The following POU2F1 variants were observed in gnomAD, a reference collection of about 807,000 sequenced individuals.
The protein encoded by POU2F1 is POU class 2 homeobox 1, also known as POU domain, class 2, transcription factor 1.
POU2F1 carries 16 observed loss-of-function variants against 84.9 expected under a neutral mutation model. The observed-to-expected ratio is 0.19, with a 90% CI of 0.13 to 0.29. The LOEUF is 0.29. POU2F1 is among the 10% of genes least tolerant of loss of function. POU2F1 has a pLI of 1.00. For missense variants in POU2F1, 738 were observed against 942.6 expected (o/e 0.78, Z 2.84); for synonymous variants, 368 against 368.3 (o/e 1.00, Z 0.01).
intron 1 of POU2F1, among the ~76,000 whole-genome samples, chr1:167,294,991 G>A (rs777118431): frequency 5.9e-5 from 9 of 151,914 alleles, no homozygotes; most frequent in Admixed American, 1.3e-4. Flanking sequence ...AAAATTAGCC[G>A]GGTGTGGTAG....
chr1:167,340,287 T>G (rs915921445), intron 2 of POU2F1, among the ~76,000 whole-genome samples: 2 of 151,972 alleles, frequency 1.3e-5, no homozygotes, highest in Non-Finnish European at 2.9e-5. Context: ...TTCATGTTGG[T>G]CAGGCTGGTC....
At position 167,239,450 on chromosome 1, in the gene POU2F1, GGCA is replaced by G. The variant is rs1298604889; in HGVS notation, c.61+18497_61+18499del. 1.1e-4 allele frequency among the ~76,000 whole-genome samples: 17 copies of G among 152,250 alleles called. No homozygotes were observed. The East Asian group carries it at 3.3e-3, about 29-fold the overall frequency. On this transcript the variant is annotated intron_variant, in intron 1 of 15. Transcript: ENST00000367866. ...AACATATGTAAAAGTGCTGTCCATG[GGCA>G]GCAGTTCAAGGGGTAATTTTAATTC...
intron 2 of POU2F1, among the ~76,000 whole-genome samples, chr1:167,360,926 C>T (rs966864845): frequency 3.3e-5 from 5 of 151,742 alleles, no homozygotes; most frequent in African/African-American, 9.7e-5. Flanking sequence ...TAGATGTATT[C>T]CTAGCTGGTT....
intron 1 of POU2F1, among the ~76,000 whole-genome samples, chr1:167,321,190 TG>T (rs1485065634): frequency 1.3e-5 from 2 of 152,196 alleles, no homozygotes; most frequent in African/African-American, 4.8e-5. Flanking sequence ...AATGTAACAC[TG>T]GGAAAATTTT....
At chr1:167,369,158 C>G (rs1472243204) in intron 3 of POU2F1, among the ~76,000 whole-genome samples, 2 of 152,102 alleles carry the variant, frequency 1.3e-5, no homozygotes, top group Non-Finnish European at 2.9e-5. Context: ...ACAGTGTACA[C>G]TGGTTATTTT....
rs145243709 is a variant in POU2F1, at chr1:167,322,887, G to T, written c.62-9583G>T. ...GCACAGATCACTCATACTATTGTTT[G>T]TGGTTCAGGAACACCTTAAGCGGTT... is the stretch of plus-strand genomic sequence containing the variant. On this transcript the variant is annotated intron_variant, in intron 1 of 15. Transcript: ENST00000367866. Among the ~76,000 whole-genome samples, 1,347 of 152,330 alleles carry T rather than the reference G, an allele frequency of 8.8e-3. 21 individuals carry two copies. The highest frequency in any genetic ancestry group is 0.031 in the African/African-American group (1,305 of 41,562).
At chr1:167,305,959 T>C (rs995535232) in intron 1 of POU2F1, among the ~76,000 whole-genome samples, 2 of 152,224 alleles carry the variant, frequency 1.3e-5, no homozygotes, top group Non-Finnish European at 2.9e-5. Context: ...CTTTTATTTT[T>C]AGTATACATA....
In POU2F1 at chr1:167,415,535, C is replaced by T. The variant is rs1399692434; in HGVS notation, c.2026C>T (p.Leu676Phe). Residue 676 changes from leucine (L) to phenylalanine (F), a missense_variant, in exon 16 of 16, where the codon CTT (leucine) becomes TTT (phenylalanine). Coordinates refer to ENST00000367866, the MANE Select transcript of POU2F1 (RefSeq NM_002697.4). ...TGGTGGCTCTCTTCCAATAACATCACTTGATGCAACTGGGAACCTGGTATT... is the reference window on the plus strand; with the variant it reads ...TGGTGGCTCTCTTCCAATAACATCATTTGATGCAACTGGGAACCTGGTATT... ...ASGGSLPITS[L>F]DATGNLVFAN... The T allele has an allele frequency of 1.2e-6, 2 of 1,614,142 alleles. No individual in the cohort carries two copies. Among genetic ancestry groups the T allele is most frequent in the Non-Finnish European group, 1.7e-6 (2 of 1,180,008 alleles).
At chr1:167,386,197 G>C (rs1022558357) in intron 8 of POU2F1, among the ~76,000 whole-genome samples, 1 of 151,980 alleles carries the variant, frequency 6.6e-6, no homozygotes, top group African/African-American at 2.4e-5. Context: ...GTTTCTTTTT[G>C]GGGGGGTGAG....
intron 1 of POU2F1, among the ~76,000 whole-genome samples, chr1:167,239,776 CG>C (rs1368845959): frequency 6.6e-6 from 1 of 151,982 alleles, no homozygotes; most frequent in African/African-American, 2.4e-5. Context: ...GACAGTTGGC[CG>C]GCCATCCATT....
intron 1 of POU2F1, among the ~76,000 whole-genome samples, chr1:167,277,631 T>C (rs1196160646): frequency 6.6e-6 from 1 of 152,086 alleles, no homozygotes; most frequent in Non-Finnish European, 1.5e-5. Flanking sequence ...TCCAGAGATG[T>C]CAGATTTTGT....
intron 1 of POU2F1, among the ~76,000 whole-genome samples, chr1:167,306,467 A>G (rs752476368): frequency 9.9e-5 from 15 of 152,190 alleles, no homozygotes; most frequent in Admixed American, 8.5e-4. Context: ...AAGATATAAT[A>G]CCTTTATTTT....
chr1:167,319,504 A>T (rs1318346319), intron 1 of POU2F1, among the ~76,000 whole-genome samples: 1 of 151,932 alleles, frequency 6.6e-6, no homozygotes, highest in Admixed American at 6.6e-5. Flanking sequence ...TCAGTTAGAG[A>T]TTCATTCTTT....
At chr1:167,222,068 G>C (rs1257626945) in intron 1 of POU2F1, among the ~76,000 whole-genome samples, 1 of 152,074 alleles carries the variant, frequency 6.6e-6, no homozygotes, top group East Asian at 1.9e-4. Flanking sequence ...CGCACGGGGC[G>C]GGTGGCCCTC....
intron 2 of POU2F1, among the ~76,000 whole-genome samples, chr1:167,358,737 TGAGACAG>T (rs1659152909): frequency 5.6e-5 from 5 of 88,830 alleles, no homozygotes; most frequent in East Asian, 4.4e-4. Flanking sequence ...TTTTTTTTTT[TGAGACAG>T]GTTCTGACTG....
At chr1:167,351,346 ACT>A (rs1272809277) in intron 2 of POU2F1, among the ~76,000 whole-genome samples, 6 of 151,684 alleles carry the variant, frequency 4.0e-5, no homozygotes, top group Admixed American at 3.9e-4. Flanking sequence ...CAAGAGCGAA[ACT>A]CTGTCTCAAA....
intron 1 of POU2F1, among the ~76,000 whole-genome samples, chr1:167,295,133 A>G (rs891903091): frequency 5.9e-5 from 9 of 151,760 alleles, no homozygotes; most frequent in African/African-American, 1.9e-4. Context: ...AAAAAAAAAA[A>G]CCTAACAGTA....
intron 1 of POU2F1, among the ~76,000 whole-genome samples, chr1:167,263,914 G>A (rs917443090): frequency 9.9e-5 from 15 of 152,222 alleles, no homozygotes; most frequent in Admixed American, 9.2e-4. Context: ...ATATGTGGCA[G>A]AGCTGGGATG....
At chr1:167,329,767 T>C (rs538315556) in intron 1 of POU2F1, among the ~76,000 whole-genome samples, 83 of 152,306 alleles carry the variant, frequency 5.4e-4, no homozygotes, top group African/African-American at 1.9e-3. Context: ...AGAATAGTTT[T>C]TATAAATGTT....
Sources: gnomAD v4.1 joint callset for allele counts (sites outside exome capture counted in the v4.1 genomes callset) on GRCh38, gnomAD v4.1.1 for gene constraint, MANE v1.5 for transcripts, NCBI Gene and HGNC (gene_info 2026-07-23, HGNC 2026-07-21) for gene names.